The following AQP4 variants were observed in gnomAD, a reference collection of about 807,000 sequenced individuals.
AQP4 encodes aquaporin-4.
In AQP4, 18 loss-of-function variants were observed where a neutral mutation model predicts 27.8. That is an observed-to-expected ratio of 0.65 (90% CI 0.45 to 0.96). The LOEUF is 0.96. Among genes scored for constraint, AQP4 ranks in the 40% least tolerant of loss-of-function variants. AQP4 has a pLI of 0.00. For synonymous variants in AQP4, 141 were observed against 142.9 expected (o/e 0.99, Z 0.10); for missense variants, 412 against 408.2 (o/e 1.01, Z -0.08).
intron 1 of AQP4, chr18:26,862,998 G>T (rs1403082492): frequency 2.5e-5 from 4 of 161,942 alleles, no homozygotes; most frequent in African/African-American, 6.4e-5. Flanking sequence ...GGTGTGCGTG[G>T]GGGGGGGGGG....
At position 26,862,216 on chromosome 18, in the gene AQP4, G is replaced by A; in HGVS notation, c.413C>T (p.Pro138Leu). ...IGAGILYLVT[P>L]PSVVGGLGVT... The stretch of plus-strand genomic sequence containing the variant: ...TCCCAGGCCTCCCACCACACTGGGA[G>A]GTGTGACCAGATAGAGGATTCCTGC... Residue 138 changes from proline (P) to leucine (L), a missense_variant, in exon 2 of 5, where the codon CCT becomes CTT. Coordinates refer to ENST00000383168, the MANE Select transcript of AQP4 (RefSeq NM_001650.7). 2 of 1,614,158 alleles carry A rather than the reference G, an allele frequency of 1.2e-6. No homozygotes were observed. The highest frequency in any genetic ancestry group is 1.7e-6 in the Non-Finnish European group (2 of 1,180,036).
chr18:26,859,497 G>T (rs562431090), intron 4 of AQP4, among the ~76,000 whole-genome samples: 26 of 152,242 alleles, frequency 1.7e-4, no homozygotes, highest in African/African-American at 5.8e-4. Context: ...CTCCAGCCTG[G>T]GCAACAGAGC....
chr18:26,860,714 C>A (rs368395732), intron 4 of AQP4, 58 bp downstream of exon 4: 11 of 1,423,870 alleles, frequency 7.7e-6, no homozygotes, highest in Non-Finnish European at 1.1e-5. Flanking sequence ...AATAAAAGAG[C>A]CCCACAGGTA....
chr18:26,865,796 G>A, upstream of AQP4: 3 of 1,356,860 alleles, frequency 2.2e-6, no homozygotes, highest in Non-Finnish European at 3.2e-6. Flanking sequence ...AGTGTTAGGG[G>A]TGGAAAGATT....
Position 26,862,095 on chromosome 18 carries a change from G to A in AQP4, c.447+87C>T, listed in dbSNP as rs965478318. 8 of 1,464,012 alleles carry A rather than the reference G, an allele frequency of 5.5e-6. No homozygotes were observed. In the Admixed American group the frequency reaches 1.2e-4, roughly 21 times the overall value. The allele number at this position is 1,464,012 out of a possible 1,614,324, so 90.7% of individuals were successfully genotyped here. A position where few individuals can be genotyped will look rare whatever the true frequency, so the allele number is the denominator to read the frequency against. The stretch of plus-strand genomic sequence containing the variant: ...CTAGGAGTAAATTAGCTATTTTAGG[G>A]ATGTGCCTCATGCCACCAAGGCATT... On this transcript the variant is annotated intron_variant, in intron 2 of 4. Coordinates refer to ENST00000383168, the MANE Select transcript of AQP4 (RefSeq NM_001650.7).
intron 2 of AQP4, among the ~76,000 whole-genome samples, chr18:26,861,656 A>G (rs891379150): frequency 3.3e-5 from 5 of 152,198 alleles, no homozygotes; most frequent in Non-Finnish European, 7.3e-5. Context: ...TTAGGTTTAA[A>G]TTAATTAATA....
chr18:26,862,127 CAA>C (rs2144967263), intron 2 of AQP4, 53 bp downstream of exon 2: 1 of 1,594,918 alleles, frequency 6.3e-7, no homozygotes, highest in Non-Finnish European at 8.6e-7. Flanking sequence ...CATTATTTAG[CAA>C]AGAGTTTGCA....
intron 1 of AQP4, chr18:26,863,214 C>A: frequency 6.4e-6 from 1 of 155,900 alleles, no homozygotes; most frequent in Non-Finnish European, 1.4e-5. Flanking sequence ...GCTGGGACAG[C>A]GACACTCCCT....
intron 1 of AQP4, 37 bp downstream of exon 1, chr18:26,865,621 C>A (rs762637886): frequency 1.2e-6 from 2 of 1,614,002 alleles, no homozygotes; most frequent in Admixed American, 3.3e-5. Context: ...ATCTTTTGGC[C>A]CTAAGCGTTG....
Position 26,853,096 on chromosome 18 carries a change from C to T in AQP4, c.*3115G>A. ...ATCAGATCTCTGATAAATCATATAG[C>T]TCAATTTCATCACATATGTTTTCCA... is the stretch of plus-strand genomic sequence containing the variant. On this transcript the variant is annotated 3_prime_UTR_variant, in exon 5 of 5. Coordinates refer to ENST00000383168, the MANE Select transcript of AQP4 (RefSeq NM_001650.7). 1 of 391,948 alleles carries T rather than the reference C, an allele frequency of 2.6e-6. No individual in the cohort carries two copies. 24.3% of individuals were successfully genotyped at this position (391,948 alleles called of 1,614,324 possible). A position where few individuals can be genotyped will look rare whatever the true frequency, so the allele number is the denominator to read the frequency against.
In AQP4 at chr18:26,852,781, T is replaced by C. The variant is rs1170362289; in HGVS notation, c.*3430A>G. On this transcript the variant is annotated 3_prime_UTR_variant, in exon 5 of 5. Transcript: ENST00000383168. ...CTTTTAGGTATAAAATGTTCTGAAT[T>C]TGCAAATTCTATAGTGCTTATGAGA... 2.5e-6 allele frequency: 1 copy of C among 398,526 alleles called. No homozygotes were observed. The allele number at this position is 398,526 out of a possible 1,614,324, so 24.7% of individuals were successfully genotyped here.
In AQP4 at chr18:26,855,770, G is replaced by A. The variant is rs1461860955; in HGVS notation, c.*441C>T. ...TATATTTTCTCTCTTGAATGTGCAT[G>A]ACTGTGACATACTGTATTTTGCCAT... is the stretch of plus-strand genomic sequence containing the variant. On this transcript the variant is annotated 3_prime_UTR_variant, in exon 5 of 5. Coordinates refer to ENST00000383168, the MANE Select transcript of AQP4 (RefSeq NM_001650.7). The A allele has an allele frequency of 4.4e-6, 1 of 226,756 alleles. No homozygotes were observed. The highest frequency in any genetic ancestry group is 2.3e-5 in the African/African-American group (1 of 42,956). 14.0% of individuals were successfully genotyped at this position (226,756 alleles called of 1,614,324 possible).
chr18:26,863,222 C>T (rs2054991194), intron 1 of AQP4: 1 of 155,194 alleles, frequency 6.4e-6, no homozygotes, highest in South Asian at 2.0e-4. Flanking sequence ...AGCGACACTC[C>T]CTCCCTCTCC....
At chr18:26,861,350 A>G (rs113098614) in intron 2 of AQP4, 55 bp from the exon 3 acceptor site, 16 of 1,537,536 alleles carry the variant, frequency 1.0e-5, no homozygotes, top group African/African-American at 2.7e-5. Context: ...TTCGATGACA[A>G]TGTATTAATA....
rs1411953324 is a variant in AQP4 at position 26,853,795 on chromosome 18, CA to C, written c.*2415del. The C allele has an allele frequency of 4.6e-5, 7 of 152,606 alleles. No homozygotes were observed. Among genetic ancestry groups the C allele is most frequent in the Non-Finnish European group, 1.5e-5 (1 of 68,022 alleles). The allele number at this position is 152,606 out of a possible 1,614,324, so 9.5% of individuals were successfully genotyped here. On this transcript the variant is annotated 3_prime_UTR_variant, in exon 5 of 5. Transcript: ENST00000383168. ...TACTGGCAGAGCCTTGAGTGAAATACAAAATATGTTGTCTCATATGTAGGGG... is the reference window on the plus strand; with the variant it reads ...TACTGGCAGAGCCTTGAGTGAAATACAAATATGTTGTCTCATATGTAGGGG...
rs1040287939 is a variant in AQP4, at chr18:26,853,540, T to C, written c.*2671A>G. 1 of 152,310 alleles carries C rather than the reference T, an allele frequency of 6.6e-6. No individual in the cohort carries two copies. The highest frequency in any genetic ancestry group is 1.5e-5 in the Non-Finnish European group (1 of 68,040). 9.4% of individuals were successfully genotyped at this position (152,310 alleles called of 1,614,324 possible). A position where few individuals can be genotyped will look rare whatever the true frequency, so the allele number is the denominator to read the frequency against. ...GGAAGAGACAGTTGGCATTGTTTCATGGCTGGGTATAATTCATTTATGTCT... is the reference window on the plus strand; with the variant it reads ...GGAAGAGACAGTTGGCATTGTTTCACGGCTGGGTATAATTCATTTATGTCT... On this transcript the variant is annotated 3_prime_UTR_variant, in exon 5 of 5. Transcript: ENST00000383168.
chr18:26,856,217 T>A lies in AQP4; in HGVS notation c.966A>T (p.Ser322=), dbSNP rs775587287. 6.2e-7 allele frequency: 1 copy of A among 1,614,234 alleles called. No homozygotes were observed. Among genetic ancestry groups the A allele is most frequent in the Admixed American group, 1.7e-5 (1 of 60,034 alleles). The change falls in exon 5 of 5, where the codon TCA becomes TCT. Residue 322 remains serine, a synonymous_variant. Coordinates refer to ENST00000383168, the MANE Select transcript of AQP4 (RefSeq NM_001650.7). ...GKDQSGEVLS[S]V is the part of the protein sequence containing the mutation. ...TTTCAGTGCGATCTTCTAGTCATACTGAAGACAATACCTCTCCAGATTGGT... is the reference window on the plus strand; with the variant it reads ...TTTCAGTGCGATCTTCTAGTCATACAGAAGACAATACCTCTCCAGATTGGT...
rs2054761704 is a variant in AQP4 at position 26,852,167 on chromosome 18, A to G, written c.*4044T>C. On this transcript the variant is annotated 3_prime_UTR_variant, in exon 5 of 5. Transcript: ENST00000383168. Reference sequence around the variant, plus strand: ...TATTATTCCAAATATTAGACGTTACAGTTTAAATCTTTTTAACATTAGCTC... The same window carrying G: ...TATTATTCCAAATATTAGACGTTACGGTTTAAATCTTTTTAACATTAGCTC... The G allele has an allele frequency of 6.6e-6, 1 of 152,238 alleles. No homozygotes were observed. Among genetic ancestry groups the G allele is most frequent in the Non-Finnish European group, 1.5e-5 (1 of 68,040 alleles). 9.4% of individuals were successfully genotyped at this position (152,238 alleles called of 1,614,324 possible).
rs776809886 is a variant in AQP4, at chr18:26,865,643, CAAA to C, written c.32+12_32+14del. 3 of 1,614,162 alleles carry C rather than the reference CAAA, an allele frequency of 1.9e-6. No individual in the cohort carries two copies. Among genetic ancestry groups the C allele is most frequent in the Non-Finnish European group, 2.5e-6 (3 of 1,180,026 alleles). ...GGCCCTAAGCGTTGTTCCCTTAAGG[CAAA>C]GAAGGACTTACCCCCACCGCCTTGC... On this transcript the variant is annotated intron_variant, in intron 1 of 4. Coordinates refer to ENST00000383168, the MANE Select transcript of AQP4 (RefSeq NM_001650.7).
Sources: allele counts gnomAD v4.1 joint callset (sites outside exome capture counted in the v4.1 genomes callset), GRCh38; gene constraint gnomAD v4.1.1; transcripts MANE v1.5; gene names NCBI Gene and HGNC (gene_info 2026-07-23, HGNC 2026-07-21).